The following EIF4E3 variants were observed in gnomAD, a reference collection of about 807,000 sequenced individuals.
The protein encoded by EIF4E3 is eukaryotic translation initiation factor 4E type 3.
In EIF4E3, 26 loss-of-function variants were observed where a neutral mutation model predicts 31.7. The observed-to-expected ratio is 0.82, with a 90% CI of 0.60 to 1.14. The LOEUF is 1.14. EIF4E3 is among the 50% of genes most tolerant of loss of function. The pLI is 0.00. For missense variants in EIF4E3, 304 were observed against 270.9 expected, an observed-to-expected ratio of 1.12 and a Z score of -0.86; for synonymous variants, 128 against 107.7, an observed-to-expected ratio of 1.19 and a Z score of -1.17.
chr3:71,708,826 T>C (rs2049332614), intron 2 of EIF4E3, among the ~76,000 whole-genome samples: 1 of 152,172 alleles, frequency 6.6e-6, no homozygotes, highest in African/African-American at 2.4e-5. Flanking sequence ...TCCCAGACTC[T>C]TAGCGCGTTG....
At position 71,690,222 on chromosome 3, in the gene EIF4E3, G is replaced by A. The variant is rs1224095429; in HGVS notation, c.473-57C>T. ...GTGATACTTCCAAGTCAGTCTGACT[G>A]TTTCTAAGAACTTAGTCTTTTTATC... is the stretch of plus-strand genomic sequence containing the variant. On this transcript the variant is annotated intron_variant, in intron 5 of 6. Transcript: ENST00000425534. The A allele has an allele frequency of 4.0e-6, 6 of 1,497,146 alleles. No individual in the cohort carries two copies. The African/African-American group carries it at 5.7e-5, about 14-fold the overall frequency. The allele number at this position is 1,497,146 out of a possible 1,614,324, so 92.7% of individuals were successfully genotyped here.
chr3:71,717,201 G>A (rs2049478640), intron 1 of EIF4E3, among the ~76,000 whole-genome samples: 1 of 152,174 alleles, frequency 6.6e-6, no homozygotes, highest in South Asian at 2.1e-4. Context: ...TGTTGGAGCG[G>A]CAATCTCCAG....
chr3:71,750,975 G>C (rs1432701770), intron 1 of EIF4E3, among the ~76,000 whole-genome samples: 1 of 151,776 alleles, frequency 6.6e-6, no homozygotes, highest in African/African-American at 2.4e-5. Flanking sequence ...TGTTAGCCAG[G>C]ATAGTCTCGA....
chr3:71,746,451 A>G (rs757979013), intron 1 of EIF4E3, among the ~76,000 whole-genome samples: 4 of 152,204 alleles, frequency 2.6e-5, no homozygotes, highest in South Asian at 2.1e-4. Flanking sequence ...GTTAAGGCCC[A>G]CCAAAGGGGG....
At chr3:71,723,263 TATATAAAGGTA>T (rs1380136595) in intron 1 of EIF4E3, among the ~76,000 whole-genome samples, 1 of 152,208 alleles carries the variant, frequency 6.6e-6, no homozygotes, top group East Asian at 1.9e-4. Context: ...AGGGGCACCC[TATATAAAGGTA>T]ATGGATTCCC....
At chr3:71,708,371 T>A (rs1008959563) in intron 2 of EIF4E3, among the ~76,000 whole-genome samples, 2 of 152,206 alleles carry the variant, frequency 1.3e-5, no homozygotes, top group Admixed American at 1.3e-4. Context: ...GAAACTTTTT[T>A]CTTCTTGATC....
In EIF4E3 at chr3:71,681,476, G is replaced by A. The variant is rs1343801385; in HGVS notation, c.*3206C>T. On this transcript the variant is annotated 3_prime_UTR_variant, in exon 7 of 7. Coordinates refer to ENST00000425534, the MANE Select transcript of EIF4E3 (RefSeq NM_001134651.2). ...ACCCCAGCACCACTTCTGTCTCTGA[G>A]AGGGAGAGGGAGAGAAGGAGGAGCT... is the stretch of plus-strand genomic sequence containing the variant. The A allele has an allele frequency of 6.6e-6, 1 of 152,250 alleles. No homozygotes were observed. Among genetic ancestry groups the A allele is most frequent in the African/African-American group, 2.4e-5 (1 of 41,442 alleles). The allele number at this position is 152,250 out of a possible 1,614,324, so 9.4% of individuals were successfully genotyped here.
the EIF4E3 span, among the ~76,000 whole-genome samples, chr3:71,662,437 C>CT: frequency 4.6e-5 from 7 of 152,202 alleles, no homozygotes; most frequent in East Asian, 1.3e-3. Context: ...TTTGTAAACT[C>CT]TTAAATGCCT....
chr3:71,737,222 GAA>G (rs1237395763), intron 1 of EIF4E3, among the ~76,000 whole-genome samples: 1 of 152,176 alleles, frequency 6.6e-6, no homozygotes, highest in African/African-American at 2.4e-5. Flanking sequence ...GAAACTTTAG[GAA>G]AAGTTTCACT....
At chr3:71,753,088 A>T (rs1444742913) in intron 1 of EIF4E3, among the ~76,000 whole-genome samples, 1 of 152,096 alleles carries the variant, frequency 6.6e-6, no homozygotes, top group Non-Finnish European at 1.5e-5. Flanking sequence ...CAGCACTGGA[A>T]ATCAGACCAA....
intron 2 of EIF4E3, among the ~76,000 whole-genome samples, chr3:71,702,711 T>TAA (rs34223814): frequency 0.012 from 1,574 of 131,192 alleles, 30 homozygotes; most frequent in African/African-American, 0.041. Flanking sequence ...GTCACACCAT[T>TAA]AAAAAAAAAA....
intron 2 of EIF4E3, among the ~76,000 whole-genome samples, chr3:71,708,338 C>T (rs139073916): frequency 2.2e-4 from 33 of 152,186 alleles, no homozygotes; most frequent in Non-Finnish European, 4.1e-4. Flanking sequence ...GGCAGGGGCA[C>T]GAAGACACTT....
intron 2 of EIF4E3, among the ~76,000 whole-genome samples, chr3:71,700,144 C>G (rs1194591938): frequency 6.6e-6 from 1 of 152,074 alleles, no homozygotes; most frequent in Non-Finnish European, 1.5e-5. Flanking sequence ...CACTGTATTC[C>G]AACTTGGGCA....
At chr3:71,686,579 T>TGTGTGTGTGTGTGTGTGTGTGTG (rs397806589) in intron 6 of EIF4E3, among the ~76,000 whole-genome samples, 1 of 151,186 alleles carries the variant, frequency 6.6e-6, no homozygotes, top group Admixed American at 6.6e-5. Flanking sequence ...TGTGTGTGTG[T>TGTGTGTGTGTGTGTGTGTGTGTG]TTTCTTTTTA....
Position 71,722,441 on chromosome 3 carries a change from C to T in EIF4E3, c.176+2751G>A, listed in dbSNP as rs184971718. 3.1e-4 allele frequency among the ~76,000 whole-genome samples: 47 copies of T among 152,246 alleles called. 1 individual carries two copies. In the East Asian group the frequency reaches 8.1e-3, roughly 26 times the overall value. The stretch of plus-strand genomic sequence containing the variant: ...AGTCTTGTGGGAAAAAACTCAGAGG[C>T]GAGCGGGTCACCATAAGATCAAAAG... On this transcript the variant is annotated intron_variant, in intron 1 of 6. Coordinates refer to ENST00000425534, the MANE Select transcript of EIF4E3 (RefSeq NM_001134651.2).
chr3:71,692,599 T>C (rs1441224706), intron 5 of EIF4E3, among the ~76,000 whole-genome samples: 1 of 90,346 alleles, frequency 1.1e-5, no homozygotes, highest in Non-Finnish European at 1.9e-5. Flanking sequence ...CCAGGTCTTC[T>C]TTTTTTTTTT....
chr3:71,737,825 G>A (rs1248044298), intron 1 of EIF4E3, among the ~76,000 whole-genome samples: 3 of 151,834 alleles, frequency 2.0e-5, no homozygotes, highest in African/African-American at 7.3e-5. Context: ...TTTTTTCATA[G>A]GAAATCATAC....
At chr3:71,751,272 GAAAGTAAGTGT>G (rs1045900826) in intron 1 of EIF4E3, among the ~76,000 whole-genome samples, 1 of 152,074 alleles carries the variant, frequency 6.6e-6, no homozygotes, top group Admixed American at 6.5e-5. Flanking sequence ...ACACTTACTT[GAAAGTAAGTGT>G]AAAGTAAGTG....
intron 1 of EIF4E3, among the ~76,000 whole-genome samples, chr3:71,748,167 AAC>A (rs2049892058): frequency 6.6e-6 from 1 of 151,676 alleles, no homozygotes; most frequent in Admixed American, 6.6e-5. Context: ...TTGACTCTTG[AAC>A]AACATGGGTT....
Sources: allele counts gnomAD v4.1 joint callset (sites outside exome capture counted in the v4.1 genomes callset), GRCh38; gene constraint gnomAD v4.1.1; transcripts MANE v1.5; gene names NCBI Gene and HGNC (gene_info 2026-07-23, HGNC 2026-07-21).